Variants in ASTN2 observed in about 807,000 individuals in gnomAD.
The protein encoded by ASTN2 is astrotactin 2.
Under a neutral mutation model 139.8 loss-of-function variants are expected in ASTN2, and 54 were observed. The ratio of observed to expected loss-of-function variants is 0.39; its 90% CI spans 0.31 to 0.48. The LOEUF (loss-of-function observed/expected upper bound fraction) is 0.48, where lower values mean the gene tolerates loss of function less well. Among genes scored for constraint, ASTN2 ranks in the 20% least tolerant of loss-of-function variants. ASTN2 has a pLI of 0.95. For missense variants in ASTN2, 1,565 were observed against 1,725.1 expected (o/e 0.91, Z 1.64); for synonymous variants, 756 against 719.5 (o/e 1.05, Z -0.81).
At chr9:117,035,306 A>G (rs1211820106) in intron 6 of ASTN2, among the ~76,000 whole-genome samples, 1 of 152,152 alleles carries the variant, frequency 6.6e-6, no homozygotes, top group Admixed American at 6.6e-5. Context: ...GGCCAGTATT[A>G]TGATGTGGGT....
At chr9:116,693,360 C>T (rs535970392) in intron 16 of ASTN2, among the ~76,000 whole-genome samples, 3 of 152,116 alleles carry the variant, frequency 2.0e-5, no homozygotes, top group Non-Finnish European at 4.4e-5. Flanking sequence ...GTTTTGTTTG[C>T]TTTTTCTACT....
chr9:117,269,127 T>G (rs1018327261), intron 2 of ASTN2, among the ~76,000 whole-genome samples: 6 of 152,186 alleles, frequency 3.9e-5, no homozygotes, highest in African/African-American at 1.4e-4. Context: ...GGGGACTGAC[T>G]TAAGTACTTC....
At chr9:116,768,741 C>G (rs1829879598) in intron 13 of ASTN2, among the ~76,000 whole-genome samples, 1 of 152,142 alleles carries the variant, frequency 6.6e-6, no homozygotes, top group African/African-American at 2.4e-5. Flanking sequence ...TGTCTGTGAG[C>G]TAGAAAGTGG....
At chr9:116,548,193 G>T (rs7868725) in intron 19 of ASTN2, among the ~76,000 whole-genome samples, 6,771 of 152,248 alleles carry the variant, frequency 0.044, 537 homozygotes, top group African/African-American at 0.15. Flanking sequence ...TCTAAGCCAG[G>T]CTCTGGCAGT....
intron 16 of ASTN2, among the ~76,000 whole-genome samples, chr9:116,706,256 C>G (rs533759427): frequency 6.6e-6 from 1 of 152,140 alleles, no homozygotes; most frequent in African/African-American, 2.4e-5. Flanking sequence ...CAGAAGCCTA[C>G]GCCAAATAAG....
intron 12 of ASTN2, among the ~76,000 whole-genome samples, chr9:116,815,457 C>T (rs1831285301): frequency 6.6e-6 from 1 of 152,066 alleles, no homozygotes; most frequent in Non-Finnish European, 1.5e-5. Context: ...AGTGCCCCCA[C>T]CTTGAGGGCC....
chr9:116,763,308 A>G (rs924617093), intron 13 of ASTN2, among the ~76,000 whole-genome samples: 1 of 152,164 alleles, frequency 6.6e-6, no homozygotes, highest in Non-Finnish European at 1.5e-5. Flanking sequence ...TTCCCCCAGC[A>G]TTTATGAGCA....
intron 2 of ASTN2, among the ~76,000 whole-genome samples, chr9:117,228,772 T>C (rs1832794608): frequency 6.6e-6 from 1 of 152,030 alleles, no homozygotes; most frequent in Non-Finnish European, 1.5e-5. Context: ...CCCAGCACTT[T>C]AGGAGGCCGA....
At position 116,424,389 on chromosome 9, in the gene ASTN2, A is replaced by G. The variant is rs1449687538; in HGVS notation, c.*1462T>C. On this transcript the variant is annotated 3_prime_UTR_variant, in exon 23 of 23. Coordinates refer to ENST00000313400, the MANE Select transcript of ASTN2 (RefSeq NM_001365068.1). Reference sequence around the variant, plus strand: ...TAAAGAGTAAGTTGACTATTTAGTCATATAAATAGTCATGGATGCTTCAAG... The same window carrying G: ...TAAAGAGTAAGTTGACTATTTAGTCGTATAAATAGTCATGGATGCTTCAAG... Among the ~76,000 whole-genome samples, 1 of 152,178 alleles carries G rather than the reference A, an allele frequency of 6.6e-6. No individual in the cohort carries two copies. The highest frequency in any genetic ancestry group is 2.4e-5 in the African/African-American group (1 of 41,440).
intron 19 of ASTN2, among the ~76,000 whole-genome samples, chr9:116,530,163 T>A (rs2119283269): frequency 8.0e-6 from 1 of 125,296 alleles, no homozygotes; most frequent in African/African-American, 3.0e-5. Flanking sequence ...AATAGAATAT[T>A]ATTAATCCTT....
intron 3 of ASTN2, among the ~76,000 whole-genome samples, chr9:117,172,546 C>A (rs1264207672): frequency 6.6e-6 from 1 of 152,100 alleles, no homozygotes. Flanking sequence ...CTCATACATT[C>A]CTCACACACT....
chr9:117,097,087 T>C (rs562248318), intron 4 of ASTN2, among the ~76,000 whole-genome samples: 1 of 152,142 alleles, frequency 6.6e-6, no homozygotes, highest in Non-Finnish European at 1.5e-5. Context: ...GGCTGCAGGA[T>C]GGGTGCCAGG....
rs577203537 is a variant in ASTN2, at chr9:116,652,057, C to T, written c.2807-264G>A. On this transcript the variant is annotated intron_variant, in intron 16 of 22. Transcript: ENST00000313400. ...ATTTTTCCCGTATGTAAAGTTGGGGCCAGGCACAATAATCCCAGCACTTTG... is the reference window on the plus strand; with the variant it reads ...ATTTTTCCCGTATGTAAAGTTGGGGTCAGGCACAATAATCCCAGCACTTTG... Among the ~76,000 whole-genome samples the T allele has an allele frequency of 2.6e-5, 4 of 152,216 alleles. No homozygotes were observed. The East Asian group carries it at 7.7e-4, about 29-fold the overall frequency.
intron 1 of ASTN2, among the ~76,000 whole-genome samples, chr9:117,314,873 T>C (rs1265430893): frequency 6.8e-6 from 1 of 146,182 alleles, no homozygotes; most frequent in Non-Finnish European, 1.5e-5. Context: ...TATAAATATA[T>C]ATGTACAACT....
intron 22 of ASTN2, among the ~76,000 whole-genome samples, chr9:116,429,347 A>AC (rs1190447822): frequency 1.5e-4 from 22 of 150,774 alleles, no homozygotes; most frequent in African/African-American, 5.3e-4. Context: ...CTGAAAAAAA[A>AC]AAAAAAAAAA....
At chr9:117,081,936 T>C (rs1320060624) in intron 5 of ASTN2, among the ~76,000 whole-genome samples, 2 of 152,228 alleles carry the variant, frequency 1.3e-5, no homozygotes, top group Admixed American at 6.5e-5. Flanking sequence ...GGCAGTCCAC[T>C]GACCCCTTGA....
rs145449915 is a variant in ASTN2 at position 116,687,793 on chromosome 9, G to C, written c.2807-36000C>G. ...GAACTGGGGGGCCCCGATGAGATTTGAGGAAATCTGGGGGCGCTAGGCATC... is the reference window on the plus strand; with the variant it reads ...GAACTGGGGGGCCCCGATGAGATTTCAGGAAATCTGGGGGCGCTAGGCATC... On this transcript the variant is annotated intron_variant, in intron 16 of 22. Transcript: ENST00000313400. 3.1e-3 allele frequency among the ~76,000 whole-genome samples: 477 copies of C among 152,080 alleles called. 9 individuals are homozygous for C. The East Asian group carries it at 0.035, about 11-fold the overall frequency.
intron 1 of ASTN2, among the ~76,000 whole-genome samples, chr9:117,400,309 G>T (rs150843905): frequency 1.3e-3 from 203 of 152,300 alleles, no homozygotes; most frequent in African/African-American, 4.5e-3. Context: ...CTCTGTAGCT[G>T]CCCTTTCTCA....
At chr9:116,502,735 GAATGAATGAAT>G (rs1564323490) in intron 19 of ASTN2, among the ~76,000 whole-genome samples, 2,229 of 44,126 alleles carry the variant, frequency 0.051, 194 homozygotes, top group African/African-American at 0.16. Context: ...AGGAAGGAAT[GAATGAATGAAT>G]GAGGGAAGGA....
Sources: allele counts gnomAD v4.1 joint callset (sites outside exome capture counted in the v4.1 genomes callset), GRCh38; gene constraint gnomAD v4.1.1; transcripts MANE v1.5; gene names NCBI Gene and HGNC (gene_info 2026-07-23, HGNC 2026-07-21).